Variants in TDRD9 observed in about 807,000 individuals in gnomAD.
The protein encoded by TDRD9 is ATP-dependent RNA helicase TDRD9.
Under a neutral mutation model 172.6 loss-of-function variants are expected in TDRD9, and 124 were observed. The observed-to-expected ratio is 0.72, with a 90% CI of 0.62 to 0.83. The LOEUF is 0.83. TDRD9 is among the 40% of genes least tolerant of loss of function. The pLI is 0.00. For missense variants in TDRD9, 1,479 were observed against 1,714.1 expected, an observed-to-expected ratio of 0.86 and a Z score of 2.42; for synonymous variants, 619 against 617.1, an observed-to-expected ratio of 1.00 and a Z score of -0.05.
At chr14:104,014,698 C>A in intron 20 of TDRD9, 27 bp from the exon 21 acceptor site, 1 of 1,298,320 alleles carries the variant, frequency 7.7e-7, no homozygotes, top group Non-Finnish European at 1.1e-6. Context: ...ACCTTTGAGA[C>A]ATCAGATTTC....
At chr14:103,946,233 G>A (rs1027847740) in intron 1 of TDRD9, among the ~76,000 whole-genome samples, 4 of 152,124 alleles carry the variant, frequency 2.6e-5, no homozygotes, top group African/African-American at 4.8e-5. Context: ...GCCTCCCAGT[G>A]TGCTGGGATT....
At chr14:104,031,345 A>T in intron 29 of TDRD9, 82 bp downstream of exon 29, 1 of 1,275,942 alleles carries the variant, frequency 7.8e-7, no homozygotes, top group Non-Finnish European at 1.1e-6. Context: ...GTCAGTAGTC[A>T]TGGTGGTTTT....
At chr14:103,977,525 T>TAAAAG (rs1333737292) in intron 7 of TDRD9, among the ~76,000 whole-genome samples, 3 of 127,926 alleles carry the variant, frequency 2.3e-5, no homozygotes, top group African/African-American at 9.1e-5. Flanking sequence ...AAAAAAAAAT[T>TAAAAG]GGATTGTTTT....
chr14:103,976,278 TC>T (rs1194910443), intron 7 of TDRD9, among the ~76,000 whole-genome samples: 14 of 152,082 alleles, frequency 9.2e-5, no homozygotes, highest in Admixed American at 6.5e-4. Flanking sequence ...CTCTTTTTTT[TC>T]TTTTTTTTTT....
chr14:103,994,184 T>C (rs551680400), intron 9 of TDRD9, 148 bp from the exon 10 acceptor site: 2 of 696,236 alleles, frequency 2.9e-6, no homozygotes, highest in Admixed American at 4.7e-5. Flanking sequence ...TTTACTTGTG[T>C]TTCTGGCATA....
At chr14:103,981,257 C>T (rs2033463694) in intron 7 of TDRD9, among the ~76,000 whole-genome samples, 1 of 152,070 alleles carries the variant, frequency 6.6e-6, no homozygotes, top group African/African-American at 2.4e-5. Flanking sequence ...GTCTTCTTTC[C>T]AGCTGGCTGA....
intron 30 of TDRD9, 125 bp downstream of exon 30, chr14:104,032,212 TTTC>T: frequency 1.7e-6 from 1 of 595,924 alleles, no homozygotes; most frequent in South Asian, 2.7e-5. Context: ...TTTCTTTTCT[TTTC>T]TTTTTTTTTG....
At position 104,052,098 on chromosome 14, in the gene TDRD9, G is replaced by C. The variant is rs1178584725; in HGVS notation, c.*16G>C. 1 of 1,542,006 alleles carries C rather than the reference G, an allele frequency of 6.5e-7. No individual in the cohort carries two copies. Among genetic ancestry groups the C allele is most frequent in the Non-Finnish European group, 8.8e-7 (1 of 1,136,660 alleles). ...CGGCACCTGAGCATGTCCACAGGTG[G>C]CCTCCAGCACACCCCTCAGGAAGCT... On this transcript the variant is annotated 3_prime_UTR_variant, in exon 36 of 36. Transcript: ENST00000409874.
rs1049747138 is a variant in TDRD9 at position 103,971,604 on chromosome 14, G to T, written c.846+983G>T. Among the ~76,000 whole-genome samples the T allele has an allele frequency of 4.6e-5, 7 of 152,116 alleles. No homozygotes were observed. In the East Asian group the frequency reaches 1.4e-3, roughly 29 times the overall value. On this transcript the variant is annotated intron_variant, in intron 6 of 35. Coordinates refer to ENST00000409874, the MANE Select transcript of TDRD9 (RefSeq NM_153046.3). ...CAGATGTGAGCCACTGCACTTGGCC[G>T]GGCTGACTGTATTTTAACAGAAACA...
chr14:104,040,653 C>T (rs1199470357), intron 33 of TDRD9, among the ~76,000 whole-genome samples: 2 of 152,212 alleles, frequency 1.3e-5, no homozygotes, highest in African/African-American at 4.8e-5. Flanking sequence ...GGTCTCATTC[C>T]AAGTCAGGAA....
Position 104,026,077 on chromosome 14 carries a change from C to CATCTTTTG in TDRD9, c.2964_2965insCTTTTGAT (p.Val989LeufsTer4). ...CTTTGTAGATTATGGCAATAAGTCT[C>CATCTTTTG]ATGTAGATCTACATCTTTTGATGGA... On this transcript the variant is annotated frameshift_variant, in exon 27 of 36. Transcript: ENST00000409874. LOFTEE classifies it high-confidence loss of function. 1 of 1,611,412 alleles carries CATCTTTTG rather than the reference C, an allele frequency of 6.2e-7. No individual in the cohort carries two copies. The highest frequency in any genetic ancestry group is 8.5e-7 in the Non-Finnish European group (1 of 1,177,544).
In TDRD9 at chr14:103,965,323, A is replaced by T. The variant is rs1024959066; in HGVS notation, c.421-10A>T. On this transcript the variant is annotated splice_polypyrimidine_tract_variant and intron_variant, in intron 3 of 35. Coordinates refer to ENST00000409874, the MANE Select transcript of TDRD9 (RefSeq NM_153046.3). ...TGTGCTGATTTTGAAAGAATTTTTT[A>T]AATTTCTAGGTTGTGTCTTTGATAG... The T allele has an allele frequency of 1.3e-6, 2 of 1,549,918 alleles. No homozygotes were observed. Among genetic ancestry groups the T allele is most frequent in the African/African-American group, 2.7e-5 (2 of 73,112 alleles).
At chr14:103,986,739 A>G (rs1314004413) in intron 8 of TDRD9, among the ~76,000 whole-genome samples, 1 of 152,214 alleles carries the variant, frequency 6.6e-6, no homozygotes, top group Non-Finnish European at 1.5e-5. Context: ...CCAGATGTTC[A>G]TTCATTTAGC....
At chr14:103,956,106 AAAAAAATATATATATATATATATATAT>A (rs2032203848) in intron 2 of TDRD9, among the ~76,000 whole-genome samples, 3 of 43,116 alleles carry the variant, frequency 7.0e-5, no homozygotes, top group African/African-American at 2.9e-4. Flanking sequence ...AAAAAAAAAA[AAAAAAATATATATATATATATATATAT>A]ATATATATAT....
intron 23 of TDRD9, among the ~76,000 whole-genome samples, chr14:104,021,196 G>T (rs1300197794): frequency 1.3e-5 from 2 of 152,112 alleles, no homozygotes; most frequent in African/African-American, 4.8e-5. Flanking sequence ...AAGGGGAGGT[G>T]CTTGTAAACA....
chr14:103,949,259 A>G (rs1202795437), intron 1 of TDRD9, among the ~76,000 whole-genome samples: 1 of 152,240 alleles, frequency 6.6e-6, no homozygotes, highest in African/African-American at 2.4e-5. Flanking sequence ...TGTGTCATGA[A>G]TAGCATTTTA....
rs1055455712 is a variant in TDRD9, at chr14:104,031,191, C to T, written c.3366C>T (p.Asp1122=). The T allele has an allele frequency of 4.2e-5, 65 of 1,551,492 alleles. No homozygotes were observed. Among genetic ancestry groups the T allele is most frequent in the Non-Finnish European group, 5.4e-5 (62 of 1,146,920 alleles). Residue 1122 remains aspartate (D), a synonymous_variant, in exon 29 of 36, where the codon GAC becomes GAT. Transcript: ENST00000409874. ...GCTCTGTGCCCTTTCCCATGAAAGACGACGAGAAATATCTCATCCGGATTT... is the reference window on the plus strand; with the variant it reads ...GCTCTGTGCCCTTTCCCATGAAAGATGACGAGAAATATCTCATCCGGATTT... ...TDGSVPFPMK[D]DEKYLIRILL... is the part of the protein sequence containing the mutation.
chr14:103,996,788 G>A (rs2034075248), intron 12 of TDRD9, among the ~76,000 whole-genome samples: 1 of 152,220 alleles, frequency 6.6e-6, no homozygotes, highest in South Asian at 2.1e-4. Flanking sequence ...ATGATGGTGA[G>A]TGTATGAAGA....
chr14:103,928,862 G>A lies in TDRD9; in HGVS notation c.215+138G>A, dbSNP rs192799273. On this transcript the variant is annotated intron_variant, in intron 1 of 35. Transcript: ENST00000409874. ...AGGGACCCCTGACCGTCCAGGGCGA[G>A]TGGTCACTACACAACCCGACGCGCG... 876 of 274,248 alleles carry A rather than the reference G, an allele frequency of 3.2e-3. 14 individuals are homozygous for A. The highest frequency in any genetic ancestry group is 2.6e-4 in the Non-Finnish European group (38 of 147,196). 17.0% of individuals were successfully genotyped at this position (274,248 alleles called of 1,614,324 possible).
Sources: gnomAD v4.1 joint callset for allele counts (sites outside exome capture counted in the v4.1 genomes callset) on GRCh38, gnomAD v4.1.1 for gene constraint, MANE v1.5 for transcripts, NCBI Gene and HGNC (gene_info 2026-07-23, HGNC 2026-07-21) for gene names.